The following DENND1C variants were observed in gnomAD, a reference collection of about 807,000 sequenced individuals.
DENND1C encodes the protein DENN domain-containing protein 1C.
A neutral mutation model predicts 87.9 loss-of-function variants in DENND1C; 64 were observed. The ratio of observed to expected loss-of-function variants is 0.73; its 90% CI spans 0.60 to 0.90. The LOEUF (loss-of-function observed/expected upper bound fraction) is 0.90. Ranked by LOEUF, DENND1C falls within the 40% of genes least tolerant of loss-of-function variation. DENND1C has a pLI of 0.00. For missense variants in DENND1C, 980 were observed against 1,037.0 expected, an observed-to-expected ratio of 0.95 and a Z score of 0.76; for synonymous variants, 384 against 424.4, an observed-to-expected ratio of 0.90 and a Z score of 1.17.
rs756256071 is a variant in DENND1C, at chr19:6,468,316, C to G, written c.1709G>C (p.Gly570Ala). The G allele has an allele frequency of 2.5e-6, 4 of 1,613,794 alleles. No individual in the cohort carries two copies. Among genetic ancestry groups the G allele is most frequent in the South Asian group, 1.1e-5 (1 of 91,060 alleles). Reference sequence around the variant, plus strand: ...TCTCAGGCTGCCTGCGCTCTTGGCTCCCATGCTAAGACTGTCCAGAATCTC... The same window carrying G: ...TCTCAGGCTGCCTGCGCTCTTGGCTGCCATGCTAAGACTGTCCAGAATCTC... ...LSEILDSLSM[G>A]AKSAGSLRPS... The change falls in exon 22 of 23, where the codon GGA (glycine) becomes GCA (alanine). Residue 570 changes from glycine to alanine, a missense_variant. Coordinates refer to ENST00000381480, the MANE Select transcript of DENND1C (RefSeq NM_024898.4).
At chr19:6,469,319 CCGTG>C (rs1310712714) in intron 19 of DENND1C, 1 of 497,004 alleles carries the variant, frequency 2.0e-6, no homozygotes, top group Non-Finnish European at 3.6e-6. Context: ...GCGTGAGCCA[CCGTG>C]CCCAGCCACA....
chr19:6,476,895 C>A lies in DENND1C; in HGVS notation c.640G>T (p.Glu214Ter), dbSNP rs1039940298. ...IVGLFAALLA[E>*]RRVLLTASKL... ...CTGGCGGTGAGCAGGACTCTTCTCTCGGCCAGGAGCGCCGCGAACAGCCCC... is the reference window on the plus strand; with the variant it reads ...CTGGCGGTGAGCAGGACTCTTCTCTAGGCCAGGAGCGCCGCGAACAGCCCC... Residue 214 changes from glutamate to a stop codon, truncating the protein, a stop_gained, in exon 10 of 23, where the codon GAG becomes TAG. Coordinates refer to ENST00000381480, the MANE Select transcript of DENND1C (RefSeq NM_024898.4). LOFTEE classifies it high-confidence loss of function. The A allele has an allele frequency of 3.7e-6, 6 of 1,613,072 alleles. No homozygotes were observed. Among genetic ancestry groups the A allele is most frequent in the Non-Finnish European group, 5.1e-6 (6 of 1,179,782 alleles).
Position 6,475,286 on chromosome 19 carries a change from G to A in DENND1C, c.1041C>T (p.Leu347=). 6.2e-7 allele frequency: 1 copy of A among 1,613,274 alleles called. No individual in the cohort carries two copies. Among genetic ancestry groups the A allele is most frequent in the South Asian group, 1.1e-5 (1 of 91,074 alleles). ...CCCCGCTGCTCACCGGGCTGCAGAC[G>A]AGTGCGTCGCGGTACCCCCCGAAGA... The part of the protein sequence containing the change: ...ALLFGGYRDA[L]VCSPGQPVTF... The change falls in exon 14 of 23, where the codon CTC becomes CTT. Residue 347 remains leucine (L), a synonymous_variant. Transcript: ENST00000381480.
rs112008157 is a variant in DENND1C at position 6,470,591 on chromosome 19, G to A, written c.1291-225C>T. Among the ~76,000 whole-genome samples the A allele has an allele frequency of 2.2e-3, 335 of 150,022 alleles. 2 individuals carry two copies. Among genetic ancestry groups the A allele is most frequent in the African/African-American group, 8.0e-3 (328 of 40,852 alleles). On this transcript the variant is annotated intron_variant, in intron 17 of 22. Coordinates refer to ENST00000381480, the MANE Select transcript of DENND1C (RefSeq NM_024898.4). ...TTGTTTTTGTTTTTGTTTTTTTTGA[G>A]ATGGAGTCTCAAAGAACAGTTTTTT...
chr19:6,472,802 G>T (rs2145189524), intron 15 of DENND1C, 87 bp downstream of exon 15: 3 of 1,155,624 alleles, frequency 2.6e-6, no homozygotes, highest in Non-Finnish European at 3.5e-6. Flanking sequence ...CCAGGAGTCT[G>T]CCCTCAACCC....
In DENND1C at chr19:6,471,454, A is replaced by G. The variant is rs764648013; in HGVS notation, c.1201T>C (p.Phe401Leu). 1 of 1,583,408 alleles carries G rather than the reference A, an allele frequency of 6.3e-7. No individual in the cohort carries two copies. The highest frequency in any genetic ancestry group is 8.6e-7 in the Non-Finnish European group (1 of 1,164,786). ...RLEKLNKGEGFSDQFEQEITG... is the reference protein window; with the variant it reads ...RLEKLNKGEGLSDQFEQEITG... The stretch of plus-strand genomic sequence containing the variant: ...ATCTCCTGCTCGAATTGATCTGAGA[A>G]GCCCTCCCCCTTGTTGAGCTTCTCC... Residue 401 changes from phenylalanine to leucine, a missense_variant, in exon 16 of 23, where the codon TTC (phenylalanine) becomes CTC (leucine). Phe to Leu is a conservative substitution (Grantham distance 22). Coordinates refer to ENST00000381480, the MANE Select transcript of DENND1C (RefSeq NM_024898.4).
intron 18 of DENND1C, chr19:6,469,984 C>T (rs1431274837): frequency 1.9e-5 from 8 of 426,644 alleles, no homozygotes; most frequent in Middle Eastern, 6.6e-4. Context: ...AGATAAAAGG[C>T]AGAACCTGGA....
At chr19:6,472,316 C>A (rs2092834193) in intron 15 of DENND1C, among the ~76,000 whole-genome samples, 1 of 152,168 alleles carries the variant, frequency 6.6e-6, no homozygotes, top group African/African-American at 2.4e-5. Context: ...TTGGTCCCAC[C>A]CTGATTTCCC....
At chr19:6,469,907 G>A (rs1161129935) in intron 18 of DENND1C, 2 of 517,628 alleles carry the variant, frequency 3.9e-6, no homozygotes, top group African/African-American at 1.9e-5. Context: ...TCAAAGCGGT[G>A]AAGAACAAAA....
In DENND1C at chr19:6,481,530, G is replaced by A. The variant is rs3852882; in HGVS notation, c.17+149C>T. The A allele has an allele frequency of 5.0e-3, 5,434 of 1,090,748 alleles. 41 individuals are homozygous for A. Among genetic ancestry groups the A allele is most frequent in the African/African-American group, 0.033 (2,041 of 62,274 alleles). The allele number at this position is 1,090,748 out of a possible 1,614,324, so 67.6% of individuals were successfully genotyped here. ...CCTGTCCCAGAGTGAAGGTCATAGC[G>A]GAGGCCCATGGAGTATCTGATTCCA... On this transcript the variant is annotated intron_variant, in intron 1 of 22. Coordinates refer to ENST00000381480, the MANE Select transcript of DENND1C (RefSeq NM_024898.4).
Position 6,481,677 on chromosome 19 carries a change from A to C in DENND1C, c.17+2T>G. 1 of 1,608,034 alleles carries C rather than the reference A, an allele frequency of 6.2e-7. No homozygotes were observed. The highest frequency in any genetic ancestry group is 1.1e-5 in the South Asian group (1 of 90,578). ...GAGAATGAGGGATGGGGTGGCTCTT[A>C]CTCAGCTCTGGATTCCATGGTCCCT... On this transcript the variant is annotated splice_donor_variant, in intron 1 of 22. Transcript: ENST00000381480. LOFTEE classifies it high-confidence loss of function.
chr19:6,472,377 C>G (rs917620593), intron 15 of DENND1C, among the ~76,000 whole-genome samples: 1 of 152,062 alleles, frequency 6.6e-6, no homozygotes, highest in Non-Finnish European at 1.5e-5. Flanking sequence ...GAGTTGGGGG[C>G]TCCCATGTTT....
At chr19:6,469,722 A>G in intron 18 of DENND1C, 82 bp from the exon 19 acceptor site, 1 of 1,474,176 alleles carries the variant, frequency 6.8e-7, no homozygotes, top group South Asian at 1.2e-5. Context: ...CCCCTAAGAT[A>G]GCTTTTTTTT....
chr19:6,477,162 A>T (rs1195431352), intron 8 of DENND1C, 35 bp from the exon 9 acceptor site: 1 of 1,598,308 alleles, frequency 6.3e-7, no homozygotes, highest in East Asian at 2.2e-5. Flanking sequence ...TCAATCAGTC[A>T]GGAGGCTGGC....
Position 6,467,482 on chromosome 19 carries a change from G to A in DENND1C, c.*22C>T. On this transcript the variant is annotated 3_prime_UTR_variant, in exon 23 of 23. Coordinates refer to ENST00000381480, the MANE Select transcript of DENND1C (RefSeq NM_024898.4). ...CTTGTGGCTTTATTGAGGGACTGGG[G>A]TCTCTCTTGGACCCCTGATTCTTAA... The A allele has an allele frequency of 1.3e-6, 2 of 1,517,518 alleles. No homozygotes were observed. The highest frequency in any genetic ancestry group is 1.8e-6 in the Non-Finnish European group (2 of 1,134,240). 94.0% of individuals were successfully genotyped at this position (1,517,518 alleles called of 1,614,324 possible).
At position 6,479,657 on chromosome 19, in the gene DENND1C, G is replaced by A. The variant is rs777362798; in HGVS notation, c.176+12C>T. ...AGTCCCTGAGTCCTTGGATCTCCCC[G>A]CCCTTCCGTACCTTTCCACATCAAA... On this transcript the variant is annotated intron_variant, in intron 4 of 22. Coordinates refer to ENST00000381480, the MANE Select transcript of DENND1C (RefSeq NM_024898.4). 4 of 1,613,620 alleles carry A rather than the reference G, an allele frequency of 2.5e-6. No individual in the cohort carries two copies. Among genetic ancestry groups the A allele is most frequent in the Admixed American group, 1.7e-5 (1 of 59,970 alleles).
chr19:6,477,160 T>C, intron 8 of DENND1C, 33 bp from the exon 9 acceptor site: 2 of 1,597,886 alleles, frequency 1.3e-6, no homozygotes, highest in Non-Finnish European at 1.7e-6. Flanking sequence ...GATCAATCAG[T>C]CAGGAGGCTG....
chr19:6,474,552 T>C (rs1041980997), intron 14 of DENND1C, among the ~76,000 whole-genome samples: 8 of 152,218 alleles, frequency 5.3e-5, no homozygotes, highest in Admixed American at 4.6e-4. Flanking sequence ...CAAAATGTTA[T>C]GAGCATTAAA....
intron 10 of DENND1C, 79 bp downstream of exon 10, chr19:6,476,778 A>T: frequency 1.4e-6 from 2 of 1,411,172 alleles, no homozygotes; most frequent in Non-Finnish European, 1.9e-6. Flanking sequence ...GGTTAGAGCC[A>T]GGAATCAGCC....
Sources: allele counts gnomAD v4.1 joint callset (sites outside exome capture counted in the v4.1 genomes callset), GRCh38; gene constraint gnomAD v4.1.1; transcripts MANE v1.5; gene names NCBI Gene and HGNC (gene_info 2026-07-23, HGNC 2026-07-21).